Variants in PEAK1 observed in about 807,000 individuals in gnomAD.
PEAK1 encodes pseudopodium enriched atypical kinase 1.
PEAK1 carries 54 observed loss-of-function variants against 124.7 expected under a neutral mutation model. The ratio of observed to expected loss-of-function variants is 0.43; its 90% CI spans 0.35 to 0.54. The LOEUF is 0.54. Among genes scored for constraint, PEAK1 ranks in the 20% least tolerant of loss-of-function variants. The pLI is 0.01. For missense variants in PEAK1, 2,046 were observed against 2,134.5 expected (o/e 0.96, Z 0.82); for synonymous variants, 719 against 760.0 (o/e 0.95, Z 0.89).
At chr15:77,130,657 T>A (rs916568486) in intron 9 of PEAK1, among the ~76,000 whole-genome samples, 6 of 152,232 alleles carry the variant, frequency 3.9e-5, no homozygotes, top group African/African-American at 1.4e-4. Context: ...TAATTGGTTT[T>A]GAACCAGTGA....
At chr15:77,327,553 C>T (rs1041198549) in intron 2 of PEAK1, among the ~76,000 whole-genome samples, 6 of 151,828 alleles carry the variant, frequency 4.0e-5, no homozygotes, top group African/African-American at 1.5e-4. Flanking sequence ...GACAAAAGAT[C>T]AATATTAAGC....
At chr15:77,302,243 T>C (rs1014724136) in intron 2 of PEAK1, among the ~76,000 whole-genome samples, 1 of 152,194 alleles carries the variant, frequency 6.6e-6, no homozygotes, top group Admixed American at 6.5e-5. Flanking sequence ...TTGCTTCTAG[T>C]ACACATTGAC....
chr15:77,271,711 C>T (rs549666576), intron 5 of PEAK1, among the ~76,000 whole-genome samples: 5 of 152,274 alleles, frequency 3.3e-5, no homozygotes, highest in East Asian at 1.9e-4. Context: ...TGTTCTCACT[C>T]ATAGGTGGCA....
At chr15:77,222,771 G>A (rs892444733) in intron 6 of PEAK1, among the ~76,000 whole-genome samples, 2 of 152,012 alleles carry the variant, frequency 1.3e-5, no homozygotes, top group African/African-American at 4.8e-5. Context: ...AAAAGGGCAT[G>A]TCTTCCAGAG....
chr15:77,178,034 T>C (rs1157269199), intron 7 of PEAK1: 1 of 152,222 alleles, frequency 6.6e-6, no homozygotes. Flanking sequence ...CTGAAGAATA[T>C]AGCAAATTTA....
intron 7 of PEAK1, among the ~76,000 whole-genome samples, chr15:77,168,101 G>A (rs2056240067): frequency 6.6e-6 from 1 of 152,118 alleles, no homozygotes; most frequent in Non-Finnish European, 1.5e-5. Flanking sequence ...AGATATAACT[G>A]GAGCATTAGC....
chr15:77,414,513 C>T (rs2072718381), intron 1 of PEAK1, among the ~76,000 whole-genome samples: 1 of 151,908 alleles, frequency 6.6e-6, no homozygotes, highest in Non-Finnish European at 1.5e-5. Flanking sequence ...TATGCCAGGC[C>T]CAATTACTGT....
intron 6 of PEAK1, among the ~76,000 whole-genome samples, chr15:77,227,123 C>A (rs1348387705): frequency 6.6e-6 from 1 of 152,172 alleles, no homozygotes; most frequent in African/African-American, 2.4e-5. Flanking sequence ...TGAAACAGTT[C>A]AGGTACTTCT....
Position 77,252,486 on chromosome 15 carries a change from C to CT in PEAK1, c.-235dup. ...TTTCCAAGATGAATGTCCTTTCTTC[C>CT]TTGCCTCTCATTCCTTAATTTCTGA... On this transcript the variant is annotated 5_prime_UTR_variant, in exon 6 of 10. An upstream open reading frame in the 5' UTR loses its in-frame stop. Transcript: ENST00000682557. 1 of 984,964 alleles carries CT rather than the reference C, an allele frequency of 1.0e-6. No homozygotes were observed. The highest frequency in any genetic ancestry group is 1.2e-6 in the Non-Finnish European group (1 of 829,616). 61.0% of individuals were successfully genotyped at this position (984,964 alleles called of 1,614,324 possible). A position where few individuals can be genotyped will look rare whatever the true frequency, so the allele number is the denominator to read the frequency against.
At position 77,180,298 on chromosome 15, in the gene PEAK1, T is replaced by G; in HGVS notation, c.1629A>C (p.Gln543His). ...TAATTAGTTCTACTTTAGGTATCTT[T>G]TGTCGTGGACTGGTGCTAGAAGTCC... Reference protein sequence around the residue: ...EVWTSSTSPRQKIPKVELITS... With the variant: ...EVWTSSTSPRHKIPKVELITS... Residue 543 changes from glutamine to histidine, a missense_variant, in exon 7 of 10, where the codon CAA becomes CAC. By Grantham distance (24) the Gln-to-His change is conservative. Coordinates refer to ENST00000682557, the MANE Select transcript of PEAK1 (RefSeq NM_001385026.1). The G allele has an allele frequency of 6.2e-7, 1 of 1,614,158 alleles. No homozygotes were observed. The highest frequency in any genetic ancestry group is 8.5e-7 in the Non-Finnish European group (1 of 1,180,004).
Position 77,372,752 on chromosome 15 carries a change from G to A in PEAK1, c.-665-7527C>T, listed in dbSNP as rs1270078901. Among the ~76,000 whole-genome samples the A allele has an allele frequency of 2.6e-5, 4 of 152,288 alleles. No individual in the cohort carries two copies. The East Asian group carries it at 5.8e-4, about 22-fold the overall frequency. On this transcript the variant is annotated intron_variant, in intron 1 of 9. Transcript: ENST00000682557. ...TGTTGGAGGTGGGGCCTGGTGGGAG[G>A]TGATTGGATCATGGGGGCAGTTTCT...
intron 2 of PEAK1, chr15:77,350,712 GC>G: frequency 1.0e-6 from 1 of 984,772 alleles, no homozygotes; most frequent in Non-Finnish European, 1.2e-6. Context: ...CTCTAAACAA[GC>G]CACAGAAATC....
intron 2 of PEAK1, among the ~76,000 whole-genome samples, chr15:77,290,061 A>G (rs1322468659): frequency 1.3e-5 from 2 of 152,066 alleles, no homozygotes; most frequent in Non-Finnish European, 2.9e-5. Context: ...TCTGCCTCCC[A>G]GGCTCAAGCG....
chr15:77,182,689 T>C (rs1346060995), intron 6 of PEAK1, among the ~76,000 whole-genome samples: 3 of 136,256 alleles, frequency 2.2e-5, no homozygotes, highest in Non-Finnish European at 4.6e-5. Flanking sequence ...GAGGTGGAGG[T>C]TGCAGTGAGC....
intron 6 of PEAK1, among the ~76,000 whole-genome samples, chr15:77,249,944 A>G (rs990811914): frequency 1.3e-5 from 2 of 151,824 alleles, no homozygotes; most frequent in Non-Finnish European, 2.9e-5. Context: ...TAATTTCTGC[A>G]GTGTTTTAAA....
intron 5 of PEAK1, chr15:77,255,362 A>G (rs2061078689): frequency 1.0e-6 from 1 of 982,830 alleles, no homozygotes; most frequent in Non-Finnish European, 1.2e-6. Flanking sequence ...ATTTATTCCA[A>G]GCTTCTGCCG....
chr15:77,413,397 C>CA (rs2072575005), intron 1 of PEAK1, among the ~76,000 whole-genome samples: 3 of 152,160 alleles, frequency 2.0e-5, no homozygotes. Flanking sequence ...ACCACCGTAA[C>CA]AGAGTGCTCA....
intron 6 of PEAK1, among the ~76,000 whole-genome samples, chr15:77,198,864 A>C (rs1422091599): frequency 6.6e-6 from 1 of 152,248 alleles, no homozygotes; most frequent in Non-Finnish European, 1.5e-5. Flanking sequence ...AAGAGGCAGC[A>C]GATAAATTCC....
At chr15:77,291,914 T>A (rs1042814287) in intron 2 of PEAK1, among the ~76,000 whole-genome samples, 1 of 150,622 alleles carries the variant, frequency 6.6e-6, no homozygotes, top group Non-Finnish European at 1.5e-5. Context: ...GAGGCGGAGC[T>A]TGCAGTGAGC....
Sources: gnomAD v4.1 joint callset for allele counts (sites outside exome capture counted in the v4.1 genomes callset) on GRCh38, gnomAD v4.1.1 for gene constraint, MANE v1.5 for transcripts, NCBI Gene and HGNC (gene_info 2026-07-23, HGNC 2026-07-21) for gene names.